Variants in NTN1 observed in about 807,000 individuals in gnomAD.
NTN1 encodes netrin-1.
Under a neutral mutation model 54.2 loss-of-function variants are expected in NTN1, and 11 were observed. The observed-to-expected ratio is 0.20, with a 90% CI of 0.13 to 0.34. The LOEUF is 0.34. Among genes scored for constraint, NTN1 ranks in the 10% least tolerant of loss-of-function variants. The pLI is 1.00. For missense variants in NTN1, 740 were observed against 893.1 expected (o/e 0.83, Z 2.18); for synonymous variants, 371 against 382.0 (o/e 0.97, Z 0.33).
intron 2 of NTN1, among the ~76,000 whole-genome samples, chr17:9,154,905 GCT>G (rs1052508667): frequency 9.9e-5 from 15 of 152,154 alleles, no homozygotes; most frequent in East Asian, 1.9e-4. Context: ...CCTTGCAAAG[GCT>G]CTCTGTCCAC....
intron 2 of NTN1, among the ~76,000 whole-genome samples, chr17:9,118,864 G>T (rs949772086): frequency 6.6e-6 from 1 of 152,188 alleles, no homozygotes; most frequent in African/African-American, 2.4e-5. Context: ...ATATTCCATT[G>T]TAGAGATATA....
At chr17:9,050,788 C>T (rs1313357503) in intron 2 of NTN1, among the ~76,000 whole-genome samples, 5 of 151,860 alleles carry the variant, frequency 3.3e-5, no homozygotes, top group Non-Finnish European at 7.4e-5. Context: ...ATGTCTATGT[C>T]CTAGGATCAC....
intron 2 of NTN1, among the ~76,000 whole-genome samples, chr17:9,033,927 A>G (rs2091895398): frequency 6.6e-6 from 1 of 150,958 alleles, no homozygotes; most frequent in Non-Finnish European, 1.5e-5. Context: ...CAAAAAAAAA[A>G]AAAAAAAGAA....
intron 2 of NTN1, among the ~76,000 whole-genome samples, chr17:9,072,574 G>C (rs1345196836): frequency 6.6e-6 from 1 of 152,152 alleles, no homozygotes; most frequent in Non-Finnish European, 1.5e-5. Context: ...TTGCGTGCCC[G>C]CCTCGGAGAG....
intron 2 of NTN1, among the ~76,000 whole-genome samples, chr17:9,054,544 T>C (rs1019147173): frequency 1.3e-5 from 2 of 152,144 alleles, no homozygotes; most frequent in Non-Finnish European, 2.9e-5. Context: ...AATGAAAAAG[T>C]TTCCCCCATA....
intron 6 of NTN1, among the ~76,000 whole-genome samples, chr17:9,223,973 C>G (rs67359280): frequency 6.6e-6 from 1 of 152,008 alleles, no homozygotes. Flanking sequence ...GTTTTAGTCT[C>G]GAAGAACTCT....
intron 3 of NTN1, among the ~76,000 whole-genome samples, chr17:9,167,798 G>A (rs1280302646): frequency 6.6e-6 from 1 of 152,170 alleles, no homozygotes; most frequent in Admixed American, 6.5e-5. Context: ...GGGTCACTGT[G>A]TGCAGGGGAC....
At chr17:9,020,668 C>A (rs576076984), upstream of NTN1, among the ~76,000 whole-genome samples, 6 of 152,330 alleles carry the variant, frequency 3.9e-5, no homozygotes, top group African/African-American at 1.4e-4. Flanking sequence ...CAGGGCTTTG[C>A]ACCCTTAAAA....
intron 2 of NTN1, among the ~76,000 whole-genome samples, chr17:9,128,951 C>A (rs2092255356): frequency 6.6e-6 from 1 of 152,158 alleles, no homozygotes; most frequent in South Asian, 2.1e-4. Context: ...AACCAAGGGG[C>A]CTGCAGCTCT....
intron 2 of NTN1, among the ~76,000 whole-genome samples, chr17:9,079,892 G>T (rs2142223209): frequency 6.6e-6 from 1 of 151,802 alleles, no homozygotes; most frequent in East Asian, 1.9e-4. Context: ...TCCTCAGCAG[G>T]CTTGTTTACT....
chr17:9,234,918 C>T (rs952559155), intron 6 of NTN1, among the ~76,000 whole-genome samples: 1 of 151,868 alleles, frequency 6.6e-6, no homozygotes, highest in African/African-American at 2.4e-5. Flanking sequence ...TGTATACCAG[C>T]AGTCCCTAAT....
intron 2 of NTN1, among the ~76,000 whole-genome samples, chr17:9,033,785 C>A (rs1375002548): frequency 6.6e-6 from 1 of 151,952 alleles, no homozygotes; most frequent in African/African-American, 2.4e-5. Context: ...GGCGTGGTGG[C>A]ACGTGCCTGT....
rs1025622472 is a variant in NTN1 at position 9,210,137 on chromosome 17, G to A, written c.1412-11031G>A. ...AGCTGCTGCCCCTGTCCTTCCGTCC[G>A]TGCAAGGAACTCCAACTTTCATCCA... On this transcript the variant is annotated intron_variant, in intron 5 of 6. Transcript: ENST00000173229. Among the ~76,000 whole-genome samples the A allele has an allele frequency of 5.9e-5, 9 of 152,032 alleles. No individual in the cohort carries two copies. In the South Asian group the frequency reaches 1.0e-3, roughly 18 times the overall value.
chr17:9,092,619 G>C (rs1045199045), intron 2 of NTN1, among the ~76,000 whole-genome samples: 1 of 151,730 alleles, frequency 6.6e-6, no homozygotes, highest in African/African-American at 2.4e-5. Flanking sequence ...TTTGAGACAG[G>C]GTATCACTCT....
chr17:9,013,462 C>G, the NTN1 span, among the ~76,000 whole-genome samples: 1 of 152,146 alleles, frequency 6.6e-6, no homozygotes, highest in Non-Finnish European at 1.5e-5. Flanking sequence ...GTGATCTGCC[C>G]TCCTCGGCCT....
intron 2 of NTN1, among the ~76,000 whole-genome samples, chr17:9,126,924 G>A (rs1188648420): frequency 3.3e-5 from 5 of 152,056 alleles, no homozygotes; most frequent in Admixed American, 6.5e-5. Flanking sequence ...GAGGGGAGAA[G>A]GGAGGCTGGT....
intron 2 of NTN1, among the ~76,000 whole-genome samples, chr17:9,152,510 C>T (rs978414152): frequency 5.3e-5 from 8 of 152,154 alleles, no homozygotes; most frequent in African/African-American, 1.7e-4. Flanking sequence ...ATCCCGCCAC[C>T]ACCCCAGGGC....
At chr17:9,043,570 T>C (rs1167793524) in intron 2 of NTN1, among the ~76,000 whole-genome samples, 5 of 144,304 alleles carry the variant, frequency 3.5e-5, no homozygotes, top group South Asian at 2.2e-4. Context: ...GTCTCTCTAA[T>C]CTCTCTCTTT....
chr17:9,232,760 C>T (rs760507092), intron 6 of NTN1, among the ~76,000 whole-genome samples: 31 of 152,120 alleles, frequency 2.0e-4, no homozygotes, highest in Non-Finnish European at 4.1e-4. Flanking sequence ...GGTGTGGCGG[C>T]CCCCTCTCCC....
Sources: gnomAD v4.1 joint callset for allele counts (sites outside exome capture counted in the v4.1 genomes callset) on GRCh38, gnomAD v4.1.1 for gene constraint, MANE v1.5 for transcripts, NCBI Gene and HGNC (gene_info 2026-07-23, HGNC 2026-07-21) for gene names.